Variants in PDGFRB observed in about 807,000 individuals in gnomAD.
PDGFRB encodes the protein platelet-derived growth factor receptor beta.
In PDGFRB, 42 loss-of-function variants were observed where a neutral mutation model predicts 120.2. The observed-to-expected ratio is 0.35, with a 90% CI of 0.27 to 0.45. The LOEUF is 0.45. Among genes scored for constraint, PDGFRB ranks in the 20% least tolerant of loss-of-function variants. The pLI is 1.00. For synonymous variants in PDGFRB, 586 were observed against 606.8 expected (o/e 0.97, Z 0.50); for missense variants, 1,149 against 1,476.3 (o/e 0.78, Z 3.63).
In PDGFRB at chr5:150,119,978, G is replaced by T. The variant is rs1423179197; in HGVS notation, c.2698+34C>A. 42 of 1,067,832 alleles carry T rather than the reference G, an allele frequency of 3.9e-5. No individual in the cohort carries two copies. The Admixed American group carries it at 7.1e-4, about 18-fold the overall frequency. 66.1% of individuals were successfully genotyped at this position (1,067,832 alleles called of 1,614,324 possible). On this transcript the variant is annotated intron_variant, in intron 19 of 22. Coordinates refer to ENST00000261799, the MANE Select transcript of PDGFRB (RefSeq NM_002609.4). ...AGTGGTCGAGGTAGACACCAGGCCA[G>T]GATGCTGAGGGCTGGAGGAGGAAGC...
At position 150,117,636 on chromosome 5, in the gene PDGFRB, C is replaced by A. The variant is rs149417689; in HGVS notation, c.3119G>T (p.Gly1040Val). The change falls in exon 22 of 23, where the codon GGT (glycine) becomes GTT (valine). Residue 1040 changes from glycine to valine, a missense_variant. By Grantham distance (109) the Gly-to-Val change is moderately radical. Transcript: ENST00000261799. ...PEVADEGPLE[G>V]SPSLASSTLN... ...TGGTTACCTGGCTAGGCTGGGGGAA[C>A]CCTCCAGTGGGCCCTCGTCAGCAAC... 1.0e-3 allele frequency: 1,610 copies of A among 1,610,362 alleles called. 21 individuals carry two copies. In the African/African-American group the frequency reaches 0.019, roughly 19 times the overall value.
At chr5:150,154,010 T>TG (rs1761155559) in intron 1 of PDGFRB, 1 of 152,046 alleles carries the variant, frequency 6.6e-6, no homozygotes, top group Non-Finnish European at 1.5e-5. Context: ...CAGCAGAAAG[T>TG]GCGGCCTCAG....
intron 4 of PDGFRB, 39 bp downstream of exon 4, chr5:150,134,711 C>T: frequency 6.4e-7 from 1 of 1,571,380 alleles, no homozygotes; most frequent in Non-Finnish European, 8.6e-7. Flanking sequence ...GAGGGTTATA[C>T]TTGCCTCTGC....
chr5:150,142,349 C>T (rs1475986413), intron 1 of PDGFRB, among the ~76,000 whole-genome samples: 5 of 152,220 alleles, frequency 3.3e-5, no homozygotes, highest in Non-Finnish European at 7.3e-5. Flanking sequence ...CTCTCCACAG[C>T]ACACCTCTGT....
intron 19 of PDGFRB, 109 bp from the exon 20 acceptor site, chr5:150,119,675 G>T: frequency 1.4e-6 from 1 of 725,636 alleles, no homozygotes; most frequent in South Asian, 1.6e-5. Flanking sequence ...ATGGGTAAGG[G>T]GGCAGTGCCC....
At position 150,120,064 on chromosome 5, in the gene PDGFRB, G is replaced by A. The variant is rs771009351; in HGVS notation, c.2646C>T (p.Thr882=). Reference sequence around the variant, plus strand: ...TCCCGAAGGACCACACGTCGCTCAGGGTGGTGTAGAGGCTGTTGAAGATGC... The same window carrying A: ...TCCCGAAGGACCACACGTCGCTCAGAGTGGTGTAGAGGCTGTTGAAGATGC... ...PESIFNSLYT[T]LSDVWSFGIL... Residue 882 remains threonine (T), a synonymous_variant, in exon 19 of 23, where the codon ACC becomes ACT. Transcript: ENST00000261799. The surrounding 1 kb of genome is among the most constrained non-coding windows in gnomAD (Gnocchi z 4.3). 1.2e-6 allele frequency: 2 copies of A among 1,609,044 alleles called. No individual in the cohort carries two copies. Among genetic ancestry groups the A allele is most frequent in the Non-Finnish European group, 1.7e-6 (2 of 1,175,318 alleles).
rs1207989275 is a variant in PDGFRB, at chr5:150,121,103, A to G, written c.2464-93T>C. 1 of 1,474,230 alleles carries G rather than the reference A, an allele frequency of 6.8e-7. No individual in the cohort carries two copies. The highest frequency in any genetic ancestry group is 1.4e-5 in the African/African-American group (1 of 72,056). 91.3% of individuals were successfully genotyped at this position (1,474,230 alleles called of 1,614,324 possible). A position where few individuals can be genotyped will look rare whatever the true frequency, so the allele number is the denominator to read the frequency against. Reference sequence around the variant, plus strand: ...GCTTTGGGAAAATACAACACTGCCCATGTGCGAGAGGCCACCCTGGTGTGC... The same window carrying G: ...GCTTTGGGAAAATACAACACTGCCCGTGTGCGAGAGGCCACCCTGGTGTGC... On this transcript the variant is annotated intron_variant, in intron 17 of 22. Transcript: ENST00000261799. The surrounding 1 kb of genome is among the most constrained non-coding windows in gnomAD (Gnocchi z 4.1).
At chr5:150,148,263 C>G (rs1323664180) in intron 1 of PDGFRB, among the ~76,000 whole-genome samples, 3 of 152,232 alleles carry the variant, frequency 2.0e-5, no homozygotes, top group African/African-American at 7.2e-5. Flanking sequence ...ACCTACCTAA[C>G]AACGATCTGG....
At position 150,133,941 on chromosome 5, in the gene PDGFRB, G is replaced by A. The variant is rs1277006109; in HGVS notation, c.699C>T (p.Leu233=). ...TVVRQGENIT[L]MCIVIGNEVV... is the part of the protein sequence containing the mutation. ...CCTCATTCCCGATCACAATGCACAT[G>A]AGGGTGATGTTCTCACCCTGGCGGA... The change falls in exon 5 of 23, where the codon CTC becomes CTT. Residue 233 remains leucine (L), a synonymous_variant. Transcript: ENST00000261799. The A allele has an allele frequency of 2.5e-6, 4 of 1,613,006 alleles. No individual in the cohort carries two copies. Among genetic ancestry groups the A allele is most frequent in the African/African-American group, 1.3e-5 (1 of 75,002 alleles).
chr5:150,124,821 G>C lies in PDGFRB; in HGVS notation c.1818C>G (p.Leu606=), dbSNP rs199649903. Reference sequence around the variant, plus strand: ...CCACCTGCCCAAAGGCCCCAGAGCCGAGGGTGCGTCCTGGTGCAGAGATGA... The same window carrying C: ...CCACCTGCCCAAAGGCCCCAGAGCCCAGGGTGCGTCCTGGTGCAGAGATGA... ...PRDQLVLGRT[L]GSGAFGQVVE... is the part of the protein sequence containing the mutation. Residue 606 remains leucine (L), a synonymous_variant, in exon 13 of 23, where the codon CTC becomes CTG. Transcript: ENST00000261799. 1.9e-6 allele frequency: 3 copies of C among 1,592,218 alleles called. No individual in the cohort carries two copies. The highest frequency in any genetic ancestry group is 2.6e-6 in the Non-Finnish European group (3 of 1,164,900).
rs374172033 is a variant in PDGFRB, at chr5:150,125,527, G to A, written c.1725C>T (p.Asp575=). 8 of 1,613,582 alleles carry A rather than the reference G, an allele frequency of 5.0e-6. No homozygotes were observed. The highest frequency in any genetic ancestry group is 1.3e-5 in the African/African-American group (1 of 74,908). ...GGTCCACGTAGATGTACTCATGGCCGTCAGAGCTCACAGACTCAATCACCT... is the reference window on the plus strand; with the variant it reads ...GGTCCACGTAGATGTACTCATGGCCATCAGAGCTCACAGACTCAATCACCT... ...RWKVIESVSS[D]GHEYIYVDPM... is the part of the protein sequence containing the mutation. The change falls in exon 12 of 23, where the codon GAC becomes GAT. Residue 575 remains aspartate, a synonymous_variant. Transcript: ENST00000261799.
intron 1 of PDGFRB, chr5:150,137,561 A>C (rs1400628690): frequency 1.3e-5 from 2 of 157,432 alleles, no homozygotes; most frequent in African/African-American, 4.8e-5. Flanking sequence ...GAAATGGAGG[A>C]GGCTGTGGGC....
rs1385202191 is a variant in PDGFRB, at chr5:150,155,380, C to CA, written c.-7+16_-7+17insT. On this transcript the variant is annotated intron_variant, in intron 1 of 22. Transcript: ENST00000261799. ...ACAGGGCATGGGGCTGGGGTTCCCACTTTTTCCAGCACTTACCTTGCTGCT... is the reference window on the plus strand; with the variant it reads ...ACAGGGCATGGGGCTGGGGTTCCCACATTTTTCCAGCACTTACCTTGCTGCT... 1 of 285,486 alleles carries CA rather than the reference C, an allele frequency of 3.5e-6. No individual in the cohort carries two copies. Among genetic ancestry groups the CA allele is most frequent in the Non-Finnish European group, 6.4e-6 (1 of 157,116 alleles). The allele number at this position is 285,486 out of a possible 1,614,324, so 17.7% of individuals were successfully genotyped here.
In PDGFRB at chr5:150,141,166, A is replaced by C. The variant is rs528262317; in HGVS notation, c.-6-4113T>G. ...CCTCATGCAGGTACTAAACATGTAC[A>C]CACCCACACAAAACACATGTGCGCA... On this transcript the variant is annotated intron_variant, in intron 1 of 22. Coordinates refer to ENST00000261799, the MANE Select transcript of PDGFRB (RefSeq NM_002609.4). Among the ~76,000 whole-genome samples the C allele has an allele frequency of 2.0e-5, 3 of 152,354 alleles. No homozygotes were observed. The South Asian group carries it at 6.2e-4, about 32-fold the overall frequency.
At position 150,114,460 on chromosome 5, in the gene PDGFRB, C is replaced by T; in HGVS notation, c.*1303G>A. ...GTGATCTCATTTGCCCTCTTTGTCC[C>T]TTTTGCCCAGGATACCCCCGGAGGT... On this transcript the variant is annotated 3_prime_UTR_variant, in exon 23 of 23. Transcript: ENST00000261799. 4.3e-6 allele frequency: 1 copy of T among 233,444 alleles called. No individual in the cohort carries two copies. Among genetic ancestry groups the T allele is most frequent in the Non-Finnish European group, 8.5e-6 (1 of 118,000 alleles). The allele number at this position is 233,444 out of a possible 1,614,324, so 14.5% of individuals were successfully genotyped here.
intron 2 of PDGFRB, among the ~76,000 whole-genome samples, chr5:150,136,248 C>T (rs1760628033): frequency 6.6e-6 from 1 of 152,192 alleles, no homozygotes; most frequent in South Asian, 2.1e-4. Context: ...AGCTCTCTGC[C>T]CCCTCCCCCG....
chr5:150,126,445 G>A, intron 11 of PDGFRB, 75 bp downstream of exon 11: 1 of 842,400 alleles, frequency 1.2e-6, no homozygotes. Context: ...CAGCATTCAA[G>A]GAGGGCAGAG....
At chr5:150,138,205 C>T (rs1459844006) in intron 1 of PDGFRB, among the ~76,000 whole-genome samples, 2 of 152,208 alleles carry the variant, frequency 1.3e-5, no homozygotes, top group Admixed American at 6.5e-5. Flanking sequence ...TGGGAGGTGA[C>T]GGCATGATGA....
At position 150,132,089 on chromosome 5, in the gene PDGFRB, A is replaced by G; in HGVS notation, c.1133T>C (p.Val378Ala). ...CACGCGAACCAGTGTCAGCTCTGACACATACCTGGGGAGCAGGAAAGGCAG... is the reference window on the plus strand; with the variant it reads ...CACGCGAACCAGTGTCAGCTCTGACGCATACCTGGGGAGCAGGAAAGGCAG... ...STRNVSETRY[V>A]SELTLVRVKV... The change falls in exon 8 of 23, where the codon GTG (valine) becomes GCG (alanine). Residue 378 changes from valine to alanine, a missense_variant. Val to Ala is a moderately conservative substitution (Grantham distance 64, BLOSUM62 0). Around this residue, in one of 3 missense-constraint regions of PDGFRB, gnomAD observed 879 missense variants for 1,108.6 expected, o/e 0.79. Coordinates refer to ENST00000261799, the MANE Select transcript of PDGFRB (RefSeq NM_002609.4). This position sits in a 1 kb window ranked among gnomAD's most constrained non-coding sequence, Gnocchi z 5.0. 1 of 1,569,620 alleles carries G rather than the reference A, an allele frequency of 6.4e-7. No homozygotes were observed. The highest frequency in any genetic ancestry group is 8.8e-7 in the Non-Finnish European group (1 of 1,139,450).
Sources: gnomAD v4.1 joint callset for allele counts (sites outside exome capture counted in the v4.1 genomes callset) on GRCh38, gnomAD v4.1.1 for gene constraint, gnomAD v4.1.1 regional missense constraint, Gnocchi (gnomAD v3.1) non-coding constraint, MANE v1.5 for transcripts, NCBI Gene and HGNC (gene_info 2026-07-23, HGNC 2026-07-21) for gene names.